Variants in RBM39 observed in about 807,000 individuals in gnomAD.
RBM39 encodes the protein RNA binding motif protein 39, also known as RNA-binding protein 39.
A neutral mutation model predicts 79.6 loss-of-function variants in RBM39; 12 were observed. The observed-to-expected ratio is 0.15, with a 90% confidence interval of 0.10 to 0.24. RBM39 has a LOEUF of 0.24. Among genes scored for constraint, RBM39 ranks in the 10% least tolerant of loss-of-function variants. The pLI is 1.00. For missense variants in RBM39, 243 were observed against 653.4 expected, an observed-to-expected ratio of 0.37 and a Z score of 6.85; for synonymous variants, 185 against 208.4, an observed-to-expected ratio of 0.89 and a Z score of 0.97.
At chr20:35,712,157 T>C (rs908285531) in intron 12 of RBM39, among the ~76,000 whole-genome samples, 1 of 152,072 alleles carries the variant, frequency 6.6e-6, no homozygotes, top group Non-Finnish European at 1.5e-5. Context: ...TTTGGGTCAA[T>C]GTAAAAGTTA....
intron 6 of RBM39, among the ~76,000 whole-genome samples, chr20:35,725,401 T>C (rs535406783): frequency 6.6e-6 from 1 of 152,276 alleles, no homozygotes; most frequent in South Asian, 2.1e-4. Context: ...GGTCTTGCTA[T>C]GCTGCACAAG....
chr20:35,704,870 G>T, intron 15 of RBM39, 124 bp from the exon 16 acceptor site: 2 of 744,964 alleles, frequency 2.7e-6, no homozygotes, highest in South Asian at 3.6e-5. Context: ...TACCATAATG[G>T]TTCCACTGGC....
chr20:35,736,564 G>A (rs913404620), intron 3 of RBM39: 1 of 470,712 alleles, frequency 2.1e-6, no homozygotes, highest in Non-Finnish European at 4.4e-6. Flanking sequence ...AAGCATTTAG[G>A]GATCTTAGGA....
intron 15 of RBM39, 25 bp from the exon 16 acceptor site, chr20:35,704,771 T>G: frequency 6.2e-7 from 1 of 1,601,714 alleles, no homozygotes; most frequent in African/African-American, 1.3e-5. Flanking sequence ...AAAAAAAAGG[T>G]AAAGATGTTG....
At chr20:35,720,596 CCT>C (rs1484665908) in intron 9 of RBM39, among the ~76,000 whole-genome samples, 1 of 150,110 alleles carries the variant, frequency 6.7e-6, no homozygotes, top group Admixed American at 6.6e-5. Flanking sequence ...ATGGTAAAGC[CCT>C]GTCTCTAAAA....
chr20:35,710,141 C>CATCAAAAT (rs1295226594), intron 12 of RBM39: 6 of 152,100 alleles, frequency 3.9e-5, no homozygotes, highest in African/African-American at 1.4e-4. Context: ...AAATATATGA[C>CATCAAAAT]ATCAAAATTT....
intron 12 of RBM39, among the ~76,000 whole-genome samples, chr20:35,712,706 T>C: frequency 6.6e-6 from 1 of 152,220 alleles, no homozygotes; most frequent in Non-Finnish European, 1.5e-5. Context: ...TCTAATATTA[T>C]AAATATTTTT....
intron 3 of RBM39, among the ~76,000 whole-genome samples, chr20:35,738,222 T>A (rs574757528): frequency 1.3e-5 from 2 of 148,594 alleles, no homozygotes; most frequent in Non-Finnish European, 1.5e-5. Flanking sequence ...GAGCCCAGAC[T>A]GCGCCACTGC....
intron 3 of RBM39, 67 bp from the exon 4 acceptor site, chr20:35,732,202 T>C (rs902075797): frequency 3.7e-6 from 5 of 1,362,852 alleles, no homozygotes; most frequent in Non-Finnish European, 5.2e-6. Context: ...CTACCTTTTA[T>C]GGCCAGAATC....
At position 35,732,137 on chromosome 20, in the gene RBM39, TGAG is replaced by T; in HGVS notation, c.102-5_102-3del. ...CTTCTGCTCTTGCTTTTTTTCCTCC[TGAG>T]AAGAAAAAAACTCGCCATTATCATG... On this transcript the variant is annotated splice_region_variant and splice_polypyrimidine_tract_variant and intron_variant, in intron 3 of 16. Coordinates refer to ENST00000253363, the MANE Select transcript of RBM39 (RefSeq NM_184234.3). 16 of 1,613,872 alleles carry T rather than the reference TGAG, an allele frequency of 9.9e-6. No individual in the cohort carries two copies. Among genetic ancestry groups the T allele is most frequent in the Non-Finnish European group, 1.3e-5 (15 of 1,179,942 alleles).
chr20:35,733,457 G>A (rs1202656664), intron 3 of RBM39, among the ~76,000 whole-genome samples: 1 of 151,914 alleles, frequency 6.6e-6, no homozygotes, highest in Non-Finnish European at 1.5e-5. Flanking sequence ...AAAAATGCAA[G>A]AAGTAGTGGG....
chr20:35,711,554 G>A (rs1004655333), intron 12 of RBM39, among the ~76,000 whole-genome samples: 1 of 152,130 alleles, frequency 6.6e-6, no homozygotes, highest in Non-Finnish European at 1.5e-5. Flanking sequence ...AGAAATTCTA[G>A]GGAGTAACTG....
Position 35,741,948 on chromosome 20 carries a change from G to A in RBM39, c.-21C>T, listed in dbSNP as rs2040592850. Reference sequence around the variant, plus strand: ...GTCCGCAACGCCCCGTACCTGTTCCGGCCTTCGGGCGCCTGTGGTGCTCGT... The same window carrying A: ...GTCCGCAACGCCCCGTACCTGTTCCAGCCTTCGGGCGCCTGTGGTGCTCGT... On this transcript the variant is annotated 5_prime_UTR_variant, in exon 1 of 17. Transcript: ENST00000253363. 1.4e-5 allele frequency: 3 copies of A among 211,264 alleles called. No individual in the cohort carries two copies. Among genetic ancestry groups the A allele is most frequent in the South Asian group, 5.7e-5 (1 of 17,680 alleles). The allele number at this position is 211,264 out of a possible 1,614,324, so 13.1% of individuals were successfully genotyped here. A position where few individuals can be genotyped will look rare whatever the true frequency, so the allele number is the denominator to read the frequency against.
chr20:35,709,798 T>C (rs1422435488), intron 12 of RBM39, among the ~76,000 whole-genome samples: 5 of 152,288 alleles, frequency 3.3e-5, no homozygotes, highest in East Asian at 1.9e-4. Context: ...AGTATGCATA[T>C]ATTATTTTTT....
chr20:35,706,981 C>G (rs6060574), intron 14 of RBM39, 139 bp downstream of exon 14: 21,347 of 376,996 alleles, frequency 0.057, 1,047 homozygotes, highest in South Asian at 0.16. Flanking sequence ...AAGCCAAGAT[C>G]GCGCCATTGC....
intron 8 of RBM39, among the ~76,000 whole-genome samples, chr20:35,722,117 A>T (rs2038015355): frequency 6.6e-6 from 1 of 152,132 alleles, no homozygotes; most frequent in African/African-American, 2.4e-5. Flanking sequence ...CTTCAAGAGT[A>T]CAGTTTTTGG....
chr20:35,738,087 CAGT>C lies in RBM39; in HGVS notation c.101+878_101+880del, dbSNP rs2040153466. ...AGGGGAATCACTTGAATCTGGGAGG[CAGT>C]GGTTGCAGTGAGCCGTGATAGAACC... is the stretch of plus-strand genomic sequence containing the variant. On this transcript the variant is annotated intron_variant, in intron 3 of 16. Coordinates refer to ENST00000253363, the MANE Select transcript of RBM39 (RefSeq NM_184234.3). 3.3e-5 allele frequency among the ~76,000 whole-genome samples: 5 copies of C among 151,536 alleles called. No homozygotes were observed. In the South Asian group the frequency reaches 1.0e-3, roughly 31 times the overall value.
intron 3 of RBM39, among the ~76,000 whole-genome samples, chr20:35,737,209 G>A (rs2040022140): frequency 1.3e-5 from 2 of 151,314 alleles, no homozygotes; most frequent in East Asian, 2.0e-4. Context: ...GGCCAGGATG[G>A]TGAATCCCCA....
chr20:35,714,215 G>T lies in RBM39; in HGVS notation c.1066C>A (p.Arg356Ser). The change falls in exon 11 of 17, where the codon CGT becomes AGT. Residue 356 changes from arginine (R) to serine (S), a missense_variant. Around this residue, in one of 4 missense-constraint regions of RBM39, gnomAD observed 61 missense variants for 322.9 expected, o/e 0.19. Transcript: ENST00000253363. ...GCAAGTCTTGCCATTAACTGAAGAC[G>T]ACCAGTTGTTCCCAAATCAATTCCA... ...RTGIDLGTTG[R>S]LQLMARLAEG... is the part of the protein sequence containing the mutation. The T allele has an allele frequency of 6.2e-7, 1 of 1,613,494 alleles. No homozygotes were observed. Among genetic ancestry groups the T allele is most frequent in the South Asian group, 1.1e-5 (1 of 91,018 alleles).
Sources: gnomAD v4.1 joint callset for allele counts (sites outside exome capture counted in the v4.1 genomes callset) on GRCh38, gnomAD v4.1.1 for gene constraint, gnomAD v4.1.1 regional missense constraint, MANE v1.5 for transcripts, NCBI Gene and HGNC (gene_info 2026-07-23, HGNC 2026-07-21) for gene names.